OPCML: variants seen among roughly 807,000 people sequenced by gnomAD.
OPCML encodes opioid binding protein/cell adhesion molecule like, also known as opioid-binding protein/cell adhesion molecule.
In OPCML, 13 loss-of-function variants were observed where a neutral mutation model predicts 37.8. The observed-to-expected ratio is 0.34, with a 90% CI of 0.22 to 0.55. OPCML has a LOEUF of 0.55. Among genes scored for constraint, OPCML ranks in the 20% least tolerant of loss-of-function variants. OPCML has a pLI of 0.91. For synonymous variants in OPCML, 176 were observed against 168.8 expected (o/e 1.04, Z -0.33); for missense variants, 341 against 435.6 (o/e 0.78, Z 1.93).
intron 4 of OPCML, among the ~76,000 whole-genome samples, chr11:132,463,248 A>G (rs1015748732): frequency 4.6e-5 from 7 of 152,120 alleles, no homozygotes; most frequent in South Asian, 2.1e-4. Context: ...TTTTCTCAAC[A>G]CTATCACATA....
intron 1 of OPCML, among the ~76,000 whole-genome samples, chr11:133,166,392 G>A (rs1015712448): frequency 2.0e-5 from 3 of 152,222 alleles, no homozygotes; most frequent in Non-Finnish European, 4.4e-5. Flanking sequence ...GTGACATAAA[G>A]ATGAGATGAT....
intron 3 of OPCML, among the ~76,000 whole-genome samples, chr11:132,595,666 G>C (rs1299350746): frequency 6.6e-6 from 1 of 152,118 alleles, no homozygotes; most frequent in Admixed American, 6.6e-5. Flanking sequence ...TGTGCATCCA[G>C]AACAAAATAG....
At chr11:132,574,480 C>A (rs775293228) in intron 3 of OPCML, among the ~76,000 whole-genome samples, 19 of 151,604 alleles carry the variant, frequency 1.3e-4, no homozygotes, top group Non-Finnish European at 2.2e-4. Context: ...ATCTGCCTTG[C>A]AGTATTACAT....
chr11:132,576,321 A>ATTCT (rs1285620971), intron 3 of OPCML, among the ~76,000 whole-genome samples: 1 of 149,692 alleles, frequency 6.7e-6, no homozygotes, highest in East Asian at 2.0e-4. Flanking sequence ...ACTTCTTTAC[A>ATTCT]TTCTTTTCTC....
chr11:132,663,394 A>G (rs558955799), intron 2 of OPCML, among the ~76,000 whole-genome samples: 2 of 152,330 alleles, frequency 1.3e-5, no homozygotes, highest in Non-Finnish European at 2.9e-5. Flanking sequence ...CTTTATCTGT[A>G]TCTACATAGA....
intron 1 of OPCML, among the ~76,000 whole-genome samples, chr11:133,229,248 C>G (rs1283858415): frequency 6.6e-6 from 1 of 152,160 alleles, no homozygotes; most frequent in African/African-American, 2.4e-5. Context: ...CAGCTCTGAA[C>G]CAAAGCCTGG....
chr11:133,481,092 T>A (rs1458993525), intron 1 of OPCML, among the ~76,000 whole-genome samples: 1 of 152,210 alleles, frequency 6.6e-6, no homozygotes, highest in Non-Finnish European at 1.5e-5. Context: ...AGCTCACCAA[T>A]GCTAAATAAT....
chr11:133,174,168 T>C lies in OPCML; in HGVS notation c.62-231158A>G, dbSNP rs112274578. Among the ~76,000 whole-genome samples, 1 of 152,146 alleles carries C rather than the reference T, an allele frequency of 6.6e-6. No homozygotes were observed. On this transcript the variant is annotated intron_variant, in intron 1 of 7. Coordinates refer to ENST00000524381, the MANE Select transcript of OPCML (RefSeq NM_001012393.5). This position sits in a 1 kb window ranked among gnomAD's most constrained non-coding sequence, Gnocchi z 4.6. ...TTCCCTTCCCTCTCATTCTCCACCTTCTTTGGCACAAAGAAATGCTTCCCT... is the reference window on the plus strand; with the variant it reads ...TTCCCTTCCCTCTCATTCTCCACCTCCTTTGGCACAAAGAAATGCTTCCCT...
At chr11:132,492,843 A>G (rs1057292687) in intron 4 of OPCML, among the ~76,000 whole-genome samples, 2 of 152,230 alleles carry the variant, frequency 1.3e-5, no homozygotes, top group African/African-American at 4.8e-5. Flanking sequence ...TAAATTGCTC[A>G]GTAAATATTT....
chr11:132,760,593 GTC>G (rs1373976138), intron 2 of OPCML, among the ~76,000 whole-genome samples: 1 of 143,932 alleles, frequency 6.9e-6, no homozygotes, highest in Non-Finnish European at 1.5e-5. Flanking sequence ...TTGGTTTAAA[GTC>G]TTTTTTATCA....
chr11:132,733,964 G>T (rs1945169271), intron 2 of OPCML, among the ~76,000 whole-genome samples: 1 of 152,116 alleles, frequency 6.6e-6, no homozygotes, highest in African/African-American at 2.4e-5. Flanking sequence ...TTAAATTCCA[G>T]TCTTGCCATG....
chr11:132,962,972 C>T (rs1296948912), intron 1 of OPCML, among the ~76,000 whole-genome samples: 1 of 152,158 alleles, frequency 6.6e-6, no homozygotes, highest in Non-Finnish European at 1.5e-5. Context: ...GAGCAGGAGG[C>T]CTGCTTGACA....
At chr11:132,789,551 G>T (rs543740498) in intron 2 of OPCML, among the ~76,000 whole-genome samples, 1 of 152,270 alleles carries the variant, frequency 6.6e-6, no homozygotes, top group South Asian at 2.1e-4. Context: ...TAGGAAAGGG[G>T]ACTACTAAGA....
intron 2 of OPCML, among the ~76,000 whole-genome samples, chr11:132,866,037 T>C (rs1298602679): frequency 6.6e-6 from 1 of 152,106 alleles, no homozygotes; most frequent in Non-Finnish European, 1.5e-5. Flanking sequence ...CACTCTTTAG[T>C]TCAGTCCTAG....
At chr11:133,070,177 A>G (rs1457984133) in intron 1 of OPCML, among the ~76,000 whole-genome samples, 1 of 152,176 alleles carries the variant, frequency 6.6e-6, no homozygotes, top group Non-Finnish European at 1.5e-5. Context: ...TTTACCTCTC[A>G]TTACAGCTAT....
In OPCML at chr11:132,913,110, A is replaced by G. The variant is rs968927725; in HGVS notation, c.146+29816T>C. On this transcript the variant is annotated intron_variant, in intron 2 of 7. Transcript: ENST00000524381. The stretch of plus-strand genomic sequence containing the variant: ...TCCTATTTTTTCTGTCCTTTCTTTT[A>G]TTATTTAAAAGTAAGACATAAACAA... Among the ~76,000 whole-genome samples, 2 of 152,172 alleles carry G rather than the reference A, an allele frequency of 1.3e-5. 1 individual carries two copies. Among genetic ancestry groups the G allele is most frequent in the South Asian group, 4.1e-4 (2 of 4,832 alleles).
At chr11:133,220,175 T>C (rs961040567) in intron 1 of OPCML, among the ~76,000 whole-genome samples, 3 of 152,178 alleles carry the variant, frequency 2.0e-5, no homozygotes, top group Non-Finnish European at 4.4e-5. Context: ...CCCTGGATTC[T>C]ACATTGGGAG....
At position 133,205,323 on chromosome 11, in the gene OPCML, C is replaced by T. The variant is rs975286416; in HGVS notation, c.62-262313G>A. Among the ~76,000 whole-genome samples the T allele has an allele frequency of 6.6e-6, 1 of 152,192 alleles. No individual in the cohort carries two copies. Among genetic ancestry groups the T allele is most frequent in the Admixed American group, 6.5e-5 (1 of 15,278 alleles). On this transcript the variant is annotated intron_variant, in intron 1 of 7. Transcript: ENST00000524381. The surrounding 1 kb of genome is among the most constrained non-coding windows in gnomAD (Gnocchi z 4.8). ...CACCCCTCCCCGCTGCCTTGCCCCA[C>T]ACACCTCTTCCAGCCGGCTGCTCCC...
intron 2 of OPCML, among the ~76,000 whole-genome samples, chr11:132,845,576 G>C (rs1429798478): frequency 3.9e-5 from 6 of 152,160 alleles, no homozygotes; most frequent in African/African-American, 1.4e-4. Flanking sequence ...GGGATCCCAG[G>C]ATGGGAGCCC....
Sources: gnomAD v4.1 joint callset for allele counts (sites outside exome capture counted in the v4.1 genomes callset) on GRCh38, gnomAD v4.1.1 for gene constraint, Gnocchi (gnomAD v3.1) non-coding constraint, MANE v1.5 for transcripts, NCBI Gene and HGNC (gene_info 2026-07-23, HGNC 2026-07-21) for gene names.